Variants in CDH10 observed in about 807,000 individuals in gnomAD.
CDH10 encodes cadherin 10, also known as cadherin-10.
In CDH10, 30 loss-of-function variants were observed where a neutral mutation model predicts 73.1. That is an observed-to-expected ratio of 0.41 (90% CI 0.31 to 0.56). The LOEUF (loss-of-function observed/expected upper bound fraction) is 0.56, where lower values mean the gene tolerates loss of function less well. CDH10 is among the 20% of genes least tolerant of loss of function. CDH10 has a pLI of 0.27. For missense variants in CDH10, 815 were observed against 973.7 expected (o/e 0.84, Z 2.17); for synonymous variants, 345 against 348.2 (o/e 0.99, Z 0.10).
intron 2 of CDH10, among the ~76,000 whole-genome samples, chr5:24,580,038 T>C (rs1464837078): frequency 1.3e-5 from 2 of 152,146 alleles, no homozygotes; most frequent in Non-Finnish European, 2.9e-5. Flanking sequence ...GCCAAAATCT[T>C]TGACTTAGGA....
intron 1 of CDH10, among the ~76,000 whole-genome samples, chr5:24,594,924 T>A (rs1579454768): frequency 1.3e-5 from 2 of 152,092 alleles, no homozygotes; most frequent in East Asian, 1.9e-4. Flanking sequence ...AGATGTTCAA[T>A]AAACAGTTTG....
At chr5:24,514,107 G>T (rs1406407902) in intron 5 of CDH10, among the ~76,000 whole-genome samples, 2 of 152,086 alleles carry the variant, frequency 1.3e-5, no homozygotes, top group Non-Finnish European at 2.9e-5. Flanking sequence ...TAAATTATTT[G>T]TGTATTGTAC....
intron 1 of CDH10, chr5:24,609,748 C>T (rs1404744939): frequency 2.6e-5 from 4 of 152,366 alleles, no homozygotes; most frequent in Admixed American, 6.5e-5. Context: ...GATTTCTGCT[C>T]TTTCTTCTTA....
intron 1 of CDH10, among the ~76,000 whole-genome samples, chr5:24,601,792 A>G (rs370384184): frequency 6.6e-6 from 1 of 152,028 alleles, no homozygotes; most frequent in African/African-American, 2.4e-5. Flanking sequence ...TAAAGTCGTA[A>G]ATTAGTTGAT....
chr5:24,560,697 C>A (rs574178624), intron 2 of CDH10, among the ~76,000 whole-genome samples: 20 of 152,148 alleles, frequency 1.3e-4, no homozygotes, highest in Middle Eastern at 3.4e-3. Flanking sequence ...CTAATCTATG[C>A]TGGAGTTGAA....
intron 1 of CDH10, among the ~76,000 whole-genome samples, chr5:24,609,185 C>T (rs1306271855): frequency 3.9e-5 from 6 of 152,140 alleles, no homozygotes; most frequent in Admixed American, 1.3e-4. Flanking sequence ...GAAACCATTA[C>T]GGATTCTGAA....
intron 5 of CDH10, among the ~76,000 whole-genome samples, chr5:24,531,538 T>C (rs1204620482): frequency 2.0e-5 from 3 of 151,920 alleles, no homozygotes; most frequent in Non-Finnish European, 2.9e-5. Context: ...ACAAACGTGG[T>C]GGAAGGTGAA....
intron 5 of CDH10, among the ~76,000 whole-genome samples, chr5:24,515,290 G>A (rs1339781808): frequency 6.6e-6 from 1 of 152,046 alleles, no homozygotes; most frequent in Non-Finnish European, 1.5e-5. Flanking sequence ...CAAATCCAAA[G>A]AGTTCAAACA....
intron 5 of CDH10, among the ~76,000 whole-genome samples, chr5:24,513,205 G>C (rs1034299599): frequency 6.6e-6 from 1 of 151,856 alleles, no homozygotes; most frequent in African/African-American, 2.4e-5. Flanking sequence ...TTTTAGTAGA[G>C]ACCGGATTTT....
intron 1 of CDH10, among the ~76,000 whole-genome samples, chr5:24,630,666 TGA>T (rs1193900122): frequency 1.3e-5 from 2 of 149,590 alleles, no homozygotes; most frequent in Middle Eastern, 6.9e-3. Context: ...AGAAACAAAA[TGA>T]GAGAGATTGA....
intron 5 of CDH10, among the ~76,000 whole-genome samples, chr5:24,523,755 G>A (rs1169289717): frequency 6.6e-6 from 1 of 152,058 alleles, no homozygotes; most frequent in South Asian, 2.1e-4. Context: ...GACAATATTT[G>A]TTACAAGGTG....
intron 2 of CDH10, among the ~76,000 whole-genome samples, chr5:24,589,758 T>C (rs186583812): frequency 8.0e-4 from 121 of 152,168 alleles, no homozygotes; most frequent in African/African-American, 2.8e-3. Flanking sequence ...TCAACGCAAC[T>C]GGACTGAGCA....
rs377013554 is a variant in CDH10, at chr5:24,537,678, G to C, written c.232-4C>G. ...CTTTATCTTGGTCTGAATGTAGCTAGGGGAAATAAAAAAGAGTATATCCAT... is the reference window on the plus strand; with the variant it reads ...CTTTATCTTGGTCTGAATGTAGCTACGGGAAATAAAAAAGAGTATATCCAT... On this transcript the variant is annotated splice_polypyrimidine_tract_variant and splice_region_variant and intron_variant, in intron 2 of 11. Coordinates refer to ENST00000264463, the MANE Select transcript of CDH10 (RefSeq NM_006727.5). The C allele has an allele frequency of 3.9e-6, 6 of 1,558,106 alleles. No individual in the cohort carries two copies. In the African/African-American group the frequency reaches 8.2e-5, roughly 21 times the overall value.
At chr5:24,560,674 G>A (rs1321584172) in intron 2 of CDH10, among the ~76,000 whole-genome samples, 1 of 151,936 alleles carries the variant, frequency 6.6e-6, no homozygotes, top group Non-Finnish European at 1.5e-5. Context: ...ATGTTTTCAA[G>A]GAATCTTGGC....
At chr5:24,622,360 G>A (rs1479822397) in intron 1 of CDH10, among the ~76,000 whole-genome samples, 1 of 152,150 alleles carries the variant, frequency 6.6e-6, no homozygotes, top group Non-Finnish European at 1.5e-5. Flanking sequence ...TTGGCAAGGA[G>A]GGAGAAGAAA....
At chr5:24,608,523 C>T (rs183397550) in intron 1 of CDH10, among the ~76,000 whole-genome samples, 2,627 of 152,282 alleles carry the variant, frequency 0.017, 81 homozygotes, top group African/African-American at 0.06. Context: ...AATCTCTTGA[C>T]CTCATGATCC....
At chr5:24,528,952 A>G (rs77002202) in intron 5 of CDH10, among the ~76,000 whole-genome samples, 3,493 of 152,082 alleles carry the variant, frequency 0.023, 143 homozygotes, top group African/African-American at 0.078. Context: ...AAAGGGGTAG[A>G]TTTATGTTGG....
chr5:24,551,265 A>C (rs73067156), intron 2 of CDH10, among the ~76,000 whole-genome samples: 9,179 of 152,142 alleles, frequency 0.06, 553 homozygotes, highest in African/African-American at 0.15. Context: ...ACTATTCAGC[A>C]TTCCTCTTCA....
At chr5:24,583,058 A>T (rs1579841004) in intron 2 of CDH10, among the ~76,000 whole-genome samples, 2 of 152,156 alleles carry the variant, frequency 1.3e-5, no homozygotes, top group East Asian at 1.9e-4. Context: ...TATATTAGTA[A>T]TTTTTTTTAA....
Sources: gnomAD v4.1 joint callset for allele counts (sites outside exome capture counted in the v4.1 genomes callset) on GRCh38, gnomAD v4.1.1 for gene constraint, MANE v1.5 for transcripts, NCBI Gene and HGNC (gene_info 2026-07-23, HGNC 2026-07-21) for gene names.